ADAMTS7: variants seen among roughly 807,000 people sequenced by gnomAD.
ADAMTS7 encodes the protein ADAM metallopeptidase with thrombospondin type 1 motif 7.
Under a neutral mutation model 172.6 loss-of-function variants are expected in ADAMTS7, and 89 were observed. The ratio of observed to expected loss-of-function variants is 0.52; its 90% CI spans 0.43 to 0.61. The LOEUF (loss-of-function observed/expected upper bound fraction) is 0.61, where lower values mean the gene tolerates loss of function less well. Among genes scored for constraint, ADAMTS7 ranks in the 20% least tolerant of loss-of-function variants. The pLI is 0.00. For missense variants in ADAMTS7, 1,973 were observed against 2,355.6 expected (o/e 0.84, Z 3.36); for synonymous variants, 885 against 978.4 (o/e 0.90, Z 1.78).
chr15:78,811,201 G>A lies in ADAMTS7; in HGVS notation c.20C>T (p.Pro7Leu), dbSNP rs1245287211. Reference sequence around the variant, plus strand: ...GCGCAGCAAAGGCGCGGGGCTGCGGGGACTGGGGCCGCCGGGCATGGCAGG... The same window carrying A: ...GCGCAGCAAAGGCGCGGGGCTGCGGAGACTGGGGCCGCCGGGCATGGCAGG... MPGGPS[P>L]RSPAPLLRPL... Residue 7 changes from proline (P) to leucine (L), a missense_variant, in exon 1 of 24, where the codon CCC becomes CTC. By Grantham distance (98) the Pro-to-Leu change is moderately conservative. This residue lies in a region of ADAMTS7 where 306 missense variants were observed against 288.0 expected (regional missense o/e 1.06). Coordinates refer to ENST00000388820, the MANE Select transcript of ADAMTS7 (RefSeq NM_014272.5). The A allele has an allele frequency of 4.1e-6, 5 of 1,228,988 alleles. No homozygotes were observed. The highest frequency in any genetic ancestry group is 5.1e-6 in the Non-Finnish European group (5 of 986,182). The allele number at this position is 1,228,988 out of a possible 1,614,324, so 76.1% of individuals were successfully genotyped here.
At chr15:78,805,173 G>A (rs2055772332) in intron 1 of ADAMTS7, among the ~76,000 whole-genome samples, 1 of 152,204 alleles carries the variant, frequency 6.6e-6, no homozygotes, top group Non-Finnish European at 1.5e-5. Context: ...CCACCGGACT[G>A]GATGATTTAA....
intron 9 of ADAMTS7, 75 bp downstream of exon 9, chr15:78,777,369 C>G: frequency 1.3e-6 from 2 of 1,527,576 alleles, no homozygotes; most frequent in South Asian, 2.5e-5. Context: ...CTGGCATCCA[C>G]GGGCTGGTGA....
At chr15:78,797,878 G>C in intron 3 of ADAMTS7, 70 bp downstream of exon 3, 1 of 1,522,676 alleles carries the variant, frequency 6.6e-7, no homozygotes, top group Non-Finnish European at 8.8e-7. Context: ...GTTAAGGGGG[G>C]CTTCTAGAAA....
At chr15:78,803,894 T>TA (rs2055757150) in intron 1 of ADAMTS7, among the ~76,000 whole-genome samples, 1 of 152,262 alleles carries the variant, frequency 6.6e-6, no homozygotes, top group Admixed American at 6.5e-5. Context: ...ATAATATTCA[T>TA]AATTGAGGGA....
At position 78,759,250 on chromosome 15, in the gene ADAMTS7, T is replaced by C; in HGVS notation, c.*171A>G. 1.8e-6 allele frequency: 1 copy of C among 554,456 alleles called. No individual in the cohort carries two copies. The highest frequency in any genetic ancestry group is 3.0e-6 in the Non-Finnish European group (1 of 330,950). 34.3% of individuals were successfully genotyped at this position (554,456 alleles called of 1,614,324 possible). On this transcript the variant is annotated 3_prime_UTR_variant, in exon 24 of 24. Transcript: ENST00000388820. ...ATTTATGTAAAATCATAATAAATGT[T>C]ACACAAACTGTTAGAATAAAAAAAT... is the stretch of plus-strand genomic sequence containing the variant.
At chr15:78,786,046 C>T (rs2055497435) in intron 8 of ADAMTS7, among the ~76,000 whole-genome samples, 1 of 150,532 alleles carries the variant, frequency 6.6e-6, no homozygotes, top group Non-Finnish European at 1.5e-5. Context: ...TCTCCTGCCT[C>T]AGCTTCCCAA....
chr15:78,762,670 C>T (rs2055066313), intron 22 of ADAMTS7, 105 bp from the exon 23 acceptor site: 20 of 973,240 alleles, frequency 2.1e-5, no homozygotes, highest in Non-Finnish European at 2.8e-5. Context: ...GCCTGACTGG[C>T]CTGGCCTTGC....
chr15:78,809,900 C>T (rs533203145), intron 1 of ADAMTS7, among the ~76,000 whole-genome samples: 3 of 152,240 alleles, frequency 2.0e-5, no homozygotes. Flanking sequence ...AATAAGAACC[C>T]GTGAGGCTGG....
At position 78,777,014 on chromosome 15, in the gene ADAMTS7, T is replaced by C. The variant is rs113583310; in HGVS notation, c.1468-173A>G. 1.9e-3 allele frequency: 1,193 copies of C among 621,000 alleles called. 10 individuals carry two copies. In the African/African-American group the frequency reaches 0.02, roughly 11 times the overall value. The allele number at this position is 621,000 out of a possible 1,614,324, so 38.5% of individuals were successfully genotyped here. A position where few individuals can be genotyped will look rare whatever the true frequency, so the allele number is the denominator to read the frequency against. ...TGCTCCCACCTTCCTCCCCGGACCATGTGGTGGTGTGGGGCGCCCGGGGCT... is the reference window on the plus strand; with the variant it reads ...TGCTCCCACCTTCCTCCCCGGACCACGTGGTGGTGTGGGGCGCCCGGGGCT... On this transcript the variant is annotated intron_variant, in intron 9 of 23. Coordinates refer to ENST00000388820, the MANE Select transcript of ADAMTS7 (RefSeq NM_014272.5).
intron 2 of ADAMTS7, 124 bp downstream of exon 2, chr15:78,800,068 C>T: frequency 1.2e-6 from 1 of 833,700 alleles, no homozygotes; most frequent in African/African-American, 1.8e-5. Context: ...GCGTGAATAC[C>T]GAGGCTGGCA....
At position 78,771,469 on chromosome 15, in the gene ADAMTS7, C is replaced by T; in HGVS notation, c.2376+116G>A. The T allele has an allele frequency of 6.5e-7, 1 of 1,538,300 alleles. No homozygotes were observed. Among genetic ancestry groups the T allele is most frequent in the Non-Finnish European group, 8.7e-7 (1 of 1,144,142 alleles). On this transcript the variant is annotated intron_variant, in intron 15 of 23. Transcript: ENST00000388820. This position sits in a 1 kb window ranked among gnomAD's most constrained non-coding sequence, Gnocchi z 4.9. ...CGCAGCAGGAGGGCCTGGCTCAGAG[C>T]CAGGCTCTGTGACTGAACCAGGGCT...
rs1241307411 is a variant in ADAMTS7, at chr15:78,762,171, G to A, written c.4903+232C>T. 3.6e-6 allele frequency: 3 copies of A among 828,438 alleles called. No homozygotes were observed. In the East Asian group the frequency reaches 3.7e-4, roughly 103 times the overall value. The allele number at this position is 828,438 out of a possible 1,614,324, so 51.3% of individuals were successfully genotyped here. On this transcript the variant is annotated intron_variant, in intron 23 of 23. Coordinates refer to ENST00000388820, the MANE Select transcript of ADAMTS7 (RefSeq NM_014272.5). Reference sequence around the variant, plus strand: ...TCTACTCCCCCAAGGTCAGACAGCTGCCTATGGGATGTTGTGTGGCCGGGA... The same window carrying A: ...TCTACTCCCCCAAGGTCAGACAGCTACCTATGGGATGTTGTGTGGCCGGGA...
At chr15:78,761,726 CTG>C (rs140458786) in intron 23 of ADAMTS7, among the ~76,000 whole-genome samples, 3 of 151,690 alleles carry the variant, frequency 2.0e-5, no homozygotes, top group African/African-American at 4.8e-5. Context: ...AAGTGTATGA[CTG>C]TGTGTGTGTG....
intron 4 of ADAMTS7, among the ~76,000 whole-genome samples, chr15:78,793,220 G>T (rs2055603895): frequency 6.6e-6 from 1 of 152,172 alleles, no homozygotes; most frequent in South Asian, 2.1e-4. Context: ...CAGAACCCAG[G>T]TTTCGCTGCT....
chr15:78,781,407 G>A (rs1320002703), intron 8 of ADAMTS7, among the ~76,000 whole-genome samples: 1 of 152,164 alleles, frequency 6.6e-6, no homozygotes, highest in Non-Finnish European at 1.5e-5. Context: ...GTGAAAGTGT[G>A]AAAGGACCTT....
intron 17 of ADAMTS7, among the ~76,000 whole-genome samples, chr15:78,767,840 G>A (rs933432388): frequency 1.3e-5 from 2 of 151,674 alleles, no homozygotes; most frequent in African/African-American, 4.9e-5. Flanking sequence ...CCTAAGGCCT[G>A]TTTCCACATC....
At chr15:78,806,348 G>A (rs541504812) in intron 1 of ADAMTS7, among the ~76,000 whole-genome samples, 1 of 152,094 alleles carries the variant, frequency 6.6e-6, no homozygotes, top group Non-Finnish European at 1.5e-5. Flanking sequence ...ATGGTGGTAG[G>A]GGCACTGTGT....
chr15:78,765,884 C>T lies in ADAMTS7; in HGVS notation c.4027G>A (p.Gly1343Ser). The T allele has an allele frequency of 6.4e-7, 1 of 1,572,604 alleles. No individual in the cohort carries two copies. The highest frequency in any genetic ancestry group is 1.8e-5 in the Admixed American group (1 of 54,636). Residue 1343 changes from glycine (G) to serine (S), a missense_variant, in exon 19 of 24, where the codon GGC (glycine) becomes AGC (serine). Coordinates refer to ENST00000388820, the MANE Select transcript of ADAMTS7 (RefSeq NM_014272.5). Reference sequence around the variant, plus strand: ...GCAGGCTCAGGCATGTGCCCGAGGCCAGTCAGGGTTGTGGGGAGGAAGGTC... The same window carrying T: ...GCAGGCTCAGGCATGTGCCCGAGGCTAGTCAGGGTTGTGGGGAGGAAGGTC... ...WGTFLPTTLT[G>S]LGHMPEPALN...
intron 13 of ADAMTS7, among the ~76,000 whole-genome samples, chr15:78,773,940 G>A (rs1001032532): frequency 6.6e-5 from 10 of 152,198 alleles, no homozygotes; most frequent in Admixed American, 5.9e-4. Context: ...AGTGCCAGGA[G>A]GCGTGGTAGG....
Sources: allele counts gnomAD v4.1 joint callset (sites outside exome capture counted in the v4.1 genomes callset), GRCh38; gene constraint gnomAD v4.1.1; regional missense constraint gnomAD v4.1.1; non-coding constraint Gnocchi (gnomAD v3.1); transcripts MANE v1.5; gene names NCBI Gene and HGNC (gene_info 2026-07-23, HGNC 2026-07-21).